KLHL18: variants seen among roughly 807,000 people sequenced by gnomAD.
The protein encoded by KLHL18 is kelch-like protein 18.
A neutral mutation model predicts 58.5 loss-of-function variants in KLHL18; 38 were observed. The observed-to-expected ratio is 0.65, with a 90% CI of 0.50 to 0.85. The LOEUF (loss-of-function observed/expected upper bound fraction) is 0.85, where lower values mean the gene tolerates loss of function less well. KLHL18 is among the 40% of genes least tolerant of loss of function. The probability of loss-of-function intolerance (pLI) is 0.00; values close to 1 mark genes in which losing one functional copy is unlikely to be tolerated. For missense variants in KLHL18, 624 were observed against 778.4 expected (o/e 0.80, Z 2.36); for synonymous variants, 303 against 301.9 (o/e 1.00, Z -0.04).
At chr3:47,320,809 C>T (rs1703567427) in intron 2 of KLHL18, among the ~76,000 whole-genome samples, 1 of 152,098 alleles carries the variant, frequency 6.6e-6, no homozygotes. Context: ...GTCTCAGCTA[C>T]TTAGAAAGCT....
At chr3:47,312,315 A>G (rs1703320676) in intron 1 of KLHL18, among the ~76,000 whole-genome samples, 1 of 152,072 alleles carries the variant, frequency 6.6e-6, no homozygotes, top group African/African-American at 2.4e-5. Flanking sequence ...TTTGAACCTA[A>G]CTCTAATACT....
Position 47,322,788 on chromosome 3 carries a change from G to A in KLHL18, c.401+80G>A. 2.9e-6 allele frequency: 4 copies of A among 1,400,122 alleles called. No individual in the cohort carries two copies. In the East Asian group the frequency reaches 7.6e-5, roughly 26 times the overall value. 86.7% of individuals were successfully genotyped at this position (1,400,122 alleles called of 1,614,324 possible). On this transcript the variant is annotated intron_variant, in intron 3 of 9. Coordinates refer to ENST00000232766, the MANE Select transcript of KLHL18 (RefSeq NM_025010.5). Reference sequence around the variant, plus strand: ...TTCTGCCAGTTTGCTGAGTTCTTGGGACCATATATAGGTTTATGAAGGGAG... The same window carrying A: ...TTCTGCCAGTTTGCTGAGTTCTTGGAACCATATATAGGTTTATGAAGGGAG...
intron 1 of KLHL18, among the ~76,000 whole-genome samples, chr3:47,299,485 A>G (rs1702966483): frequency 6.6e-6 from 1 of 152,070 alleles, no homozygotes; most frequent in East Asian, 1.9e-4. Flanking sequence ...TAAGGCCTTA[A>G]AGAGCAGAAA....
chr3:47,336,836 C>T (rs1418364391), intron 7 of KLHL18, 79 bp downstream of exon 7: 1 of 1,127,756 alleles, frequency 8.9e-7, no homozygotes, highest in Non-Finnish European at 1.3e-6. Context: ...CAGGGGCACA[C>T]AGTAGAGTAA....
chr3:47,286,981 G>A (rs1270267229), intron 1 of KLHL18, among the ~76,000 whole-genome samples: 1 of 152,154 alleles, frequency 6.6e-6, no homozygotes, highest in Non-Finnish European at 1.5e-5. Flanking sequence ...TGGGGAGGGG[G>A]ACCAGTACTT....
chr3:47,321,358 T>G (rs1703583315), intron 2 of KLHL18, among the ~76,000 whole-genome samples: 1 of 151,746 alleles, frequency 6.6e-6, no homozygotes, highest in Non-Finnish European at 1.5e-5. Context: ...TTTGTTTTTT[T>G]TTTTTTGAGA....
Position 47,343,820 on chromosome 3 carries a change from A to G in KLHL18, c.1604A>G (p.Gln535Arg). The part of the protein sequence containing the change: ...RLYAVGGYDG[Q>R]SNLSSVEMYD... ...TACGCTGTTGGGGGCTACGACGGACAGTCAAACCTAAGCTCAGTGGAGATG... is the reference window on the plus strand; with the variant it reads ...TACGCTGTTGGGGGCTACGACGGACGGTCAAACCTAAGCTCAGTGGAGATG... Residue 535 changes from glutamine (Q) to arginine (R), a missense_variant, in exon 10 of 10, where the codon CAG becomes CGG. Transcript: ENST00000232766. 6.2e-7 allele frequency: 1 copy of G among 1,614,214 alleles called. No individual in the cohort carries two copies. Among genetic ancestry groups the G allele is most frequent in the Non-Finnish European group, 8.5e-7 (1 of 1,180,032 alleles).
chr3:47,299,706 A>G (rs1292003677), intron 1 of KLHL18, among the ~76,000 whole-genome samples: 1 of 151,792 alleles, frequency 6.6e-6, no homozygotes, highest in Non-Finnish European at 1.5e-5. Flanking sequence ...ACATGCCTGT[A>G]GTTGCAGCTA....
intron 1 of KLHL18, chr3:47,297,667 G>A: frequency 2.2e-6 from 1 of 452,878 alleles, no homozygotes; most frequent in Non-Finnish European, 4.4e-6. Context: ...CAGTTAAAAA[G>A]AAGAGGTAAA....
intron 1 of KLHL18, among the ~76,000 whole-genome samples, chr3:47,316,889 G>T (rs1000049746): frequency 4.0e-5 from 6 of 151,380 alleles, no homozygotes; most frequent in Admixed American, 6.6e-5. Context: ...CAGGAGGATT[G>T]CTTGAGCTCA....
At chr3:47,296,444 C>T (rs1205516674) in intron 1 of KLHL18, among the ~76,000 whole-genome samples, 1 of 152,074 alleles carries the variant, frequency 6.6e-6, no homozygotes, top group Non-Finnish European at 1.5e-5. Flanking sequence ...CATGAGACAC[C>T]CTGCTGTGAA....
rs1276180911 is a variant in KLHL18 at position 47,313,870 on chromosome 3, A to T, written c.130-5783A>T. Among the ~76,000 whole-genome samples the T allele has an allele frequency of 2.0e-5, 3 of 151,986 alleles. No individual in the cohort carries two copies. In the South Asian group the frequency reaches 6.2e-4, roughly 32 times the overall value. On this transcript the variant is annotated intron_variant, in intron 1 of 9. Transcript: ENST00000232766. ...CATTGGGTGAGCTACTTAACTTCCA[A>T]ATCTTGGTTTTCTCATCTATAGAAC...
rs974046604 is a variant in KLHL18 at position 47,334,032 on chromosome 3, G to A, written c.762-651G>A. Among the ~76,000 whole-genome samples the A allele has an allele frequency of 7.9e-5, 12 of 152,144 alleles. No homozygotes were observed. The highest frequency in any genetic ancestry group is 2.4e-4 in the African/African-American group (10 of 41,428). On this transcript the variant is annotated intron_variant, in intron 5 of 9. Coordinates refer to ENST00000232766, the MANE Select transcript of KLHL18 (RefSeq NM_025010.5). This position sits in a 1 kb window ranked among gnomAD's most constrained non-coding sequence, Gnocchi z 4.7. ...GCTTTCTTTCATTTTCCAACTCCTGGTTGGGATCAGCTGGTTCAGGAGGAA... is the reference window on the plus strand; with the variant it reads ...GCTTTCTTTCATTTTCCAACTCCTGATTGGGATCAGCTGGTTCAGGAGGAA...
At chr3:47,322,542 C>T in intron 2 of KLHL18, 26 bp from the exon 3 acceptor site, 1 of 1,567,462 alleles carries the variant, frequency 6.4e-7, no homozygotes, top group Non-Finnish European at 8.6e-7. Flanking sequence ...CTGAAAGCAC[C>T]TCACAGCTTT....
At chr3:47,300,287 T>TTATATATATATATATATATATATATA (rs1207306389) in intron 1 of KLHL18, among the ~76,000 whole-genome samples, 17 of 133,106 alleles carry the variant, frequency 1.3e-4, no homozygotes, top group Non-Finnish European at 2.5e-4. Flanking sequence ...CACCGGCATT[T>TTATATATATATATATATATATATATA]TATATATATA....
At chr3:47,305,334 G>GGTT (rs1703119604) in intron 1 of KLHL18, among the ~76,000 whole-genome samples, 1 of 70,388 alleles carries the variant, frequency 1.4e-5, no homozygotes, top group Admixed American at 1.9e-4. Context: ...ATTTTGTCAA[G>GGTT]TTTTTTTTTT....
rs374172018 is a variant in KLHL18, at chr3:47,283,143, G to A, written c.129+49G>A. ...GGCTGAGGGAAAAGGGGTCGAGCGG[G>A]GAGTAAAAAGGGGCGGGGGACAGAG... On this transcript the variant is annotated intron_variant, in intron 1 of 9. Transcript: ENST00000232766. 2.2e-4 allele frequency: 333 copies of A among 1,513,972 alleles called. 1 individual carries two copies. Among genetic ancestry groups the A allele is most frequent in the Non-Finnish European group, 2.8e-4 (313 of 1,121,680 alleles). The allele number at this position is 1,513,972 out of a possible 1,614,324, so 93.8% of individuals were successfully genotyped here. A position where few individuals can be genotyped will look rare whatever the true frequency, so the allele number is the denominator to read the frequency against.
chr3:47,308,176 C>G (rs1304931055), intron 1 of KLHL18, among the ~76,000 whole-genome samples: 1 of 151,128 alleles, frequency 6.6e-6, no homozygotes, highest in Non-Finnish European at 1.5e-5. Flanking sequence ...CCACTGATCC[C>G]AAGGGCATTC....
At position 47,283,964 on chromosome 3, in the gene KLHL18, C is replaced by A. The variant is rs115854273; in HGVS notation, c.129+870C>A. Reference sequence around the variant, plus strand: ...CTGTTTAAAAAACAAACAGGGCAGGCATGGTGGCTCACACCTGTAATCCCA... The same window carrying A: ...CTGTTTAAAAAACAAACAGGGCAGGAATGGTGGCTCACACCTGTAATCCCA... On this transcript the variant is annotated intron_variant, in intron 1 of 9. Transcript: ENST00000232766. Among the ~76,000 whole-genome samples, 1,062 of 152,318 alleles carry A rather than the reference C, an allele frequency of 7.0e-3. 12 individuals are homozygous for A. Among genetic ancestry groups the A allele is most frequent in the African/African-American group, 0.024 (1,016 of 41,558 alleles).
Sources: allele counts gnomAD v4.1 joint callset (sites outside exome capture counted in the v4.1 genomes callset), GRCh38; gene constraint gnomAD v4.1.1; non-coding constraint Gnocchi (gnomAD v3.1); transcripts MANE v1.5; gene names NCBI Gene and HGNC (gene_info 2026-07-23, HGNC 2026-07-21).